ATF7IP2: variants seen among roughly 807,000 people sequenced by gnomAD.
ATF7IP2 encodes activating transcription factor 7 interacting protein 2, also known as activating transcription factor 7-interacting protein 2.
Under a neutral mutation model 64.2 loss-of-function variants are expected in ATF7IP2, and 42 were observed. The observed-to-expected ratio is 0.65, with a 90% CI of 0.51 to 0.85. The LOEUF (loss-of-function observed/expected upper bound fraction) is 0.85. Ranked by LOEUF, ATF7IP2 falls within the 40% of genes least tolerant of loss-of-function variation. ATF7IP2 has a pLI of 0.00. For missense variants in ATF7IP2, 933 were observed against 784.2 expected (o/e 1.19, Z -2.27); for synonymous variants, 308 against 272.8 (o/e 1.13, Z -1.27).
intron 9 of ATF7IP2, among the ~76,000 whole-genome samples, chr16:10,468,953 T>G (rs1341025520): frequency 1.3e-5 from 2 of 152,184 alleles, no homozygotes; most frequent in African/African-American, 2.4e-5. Context: ...CTGCAAAGAA[T>G]CTATACACAG....
At chr16:10,428,468 C>T (rs1002927717) in intron 3 of ATF7IP2, among the ~76,000 whole-genome samples, 3 of 152,114 alleles carry the variant, frequency 2.0e-5, no homozygotes, top group Non-Finnish European at 2.9e-5. Flanking sequence ...ATTTAAGACC[C>T]CTGTCTCTCT....
chr16:10,476,398 A>T (rs998507079), intron 12 of ATF7IP2, among the ~76,000 whole-genome samples: 2 of 152,182 alleles, frequency 1.3e-5, no homozygotes, highest in Admixed American at 6.6e-5. Context: ...TTTACTGCTT[A>T]ATTCTGGGAT....
At chr16:10,478,320 A>T (rs2050086491) in intron 12 of ATF7IP2, among the ~76,000 whole-genome samples, 1 of 151,832 alleles carries the variant, frequency 6.6e-6, no homozygotes, top group Non-Finnish European at 1.5e-5. Context: ...AGATCAATGG[A>T]ACAGAACAGA....
rs547311007 is a variant in ATF7IP2 at position 10,395,159 on chromosome 16, TA to T, written c.-242+9048del. On this transcript the variant is annotated intron_variant, in intron 1 of 13. Transcript: ENST00000562102. ...ACATTACTTCTGACCTTCCAGTAGT[TA>T]AAAAAAAAAATTATAAGGGAATACT... 1.4e-3 allele frequency among the ~76,000 whole-genome samples: 203 copies of T among 147,774 alleles called. 1 individual carries two copies. In the South Asian group the frequency reaches 0.014, roughly 10 times the overall value.
intron 1 of ATF7IP2, among the ~76,000 whole-genome samples, chr16:10,405,806 G>A (rs759791330): frequency 3.4e-4 from 52 of 152,282 alleles, no homozygotes; most frequent in Middle Eastern, 6.8e-3. Context: ...ATAAACCTGT[G>A]TTGCTGTTGA....
At chr16:10,411,906 T>G (rs2047768258) in intron 1 of ATF7IP2, among the ~76,000 whole-genome samples, 1 of 129,670 alleles carries the variant, frequency 7.7e-6, no homozygotes, top group Admixed American at 7.2e-5. Context: ...AGCTTATTTG[T>G]TTTTTTTTTT....
intron 9 of ATF7IP2, among the ~76,000 whole-genome samples, chr16:10,461,879 C>G (rs1286210660): frequency 6.6e-6 from 1 of 152,000 alleles, no homozygotes; most frequent in African/African-American, 2.4e-5. Context: ...ATCTTTTAAT[C>G]AGAAAAATGA....
Position 10,432,939 on chromosome 16 carries a change from A to G in ATF7IP2, c.836-586A>G, listed in dbSNP as rs1172199107. Among the ~76,000 whole-genome samples, 3 of 152,338 alleles carry G rather than the reference A, an allele frequency of 2.0e-5. No homozygotes were observed. The East Asian group carries it at 5.8e-4, about 29-fold the overall frequency. On this transcript the variant is annotated intron_variant, in intron 5 of 13. Transcript: ENST00000562102. ...TAGAACCACTTAAGTCACTATAAATAGAGAATTAAATGCCATAATTTGTTA... is the reference window on the plus strand; with the variant it reads ...TAGAACCACTTAAGTCACTATAAATGGAGAATTAAATGCCATAATTTGTTA...
chr16:10,434,271 T>C (rs1164090710), intron 6 of ATF7IP2, among the ~76,000 whole-genome samples: 1 of 152,232 alleles, frequency 6.6e-6, no homozygotes, highest in African/African-American at 2.4e-5. Flanking sequence ...GAAGTGTATG[T>C]AGCGTGTTTC....
intron 9 of ATF7IP2, among the ~76,000 whole-genome samples, chr16:10,465,884 G>A (rs2049551120): frequency 6.6e-6 from 1 of 152,028 alleles, no homozygotes; most frequent in Non-Finnish European, 1.5e-5. Context: ...AGCATTAACA[G>A]CTTTATATAC....
chr16:10,461,551 G>T (rs1009517301), intron 9 of ATF7IP2, among the ~76,000 whole-genome samples: 1 of 152,092 alleles, frequency 6.6e-6, no homozygotes, highest in African/African-American at 2.4e-5. Flanking sequence ...CAACAGTATG[G>T]ATTATTCCCA....
chr16:10,469,989 A>G (rs773168573), intron 9 of ATF7IP2, among the ~76,000 whole-genome samples: 25 of 152,084 alleles, frequency 1.6e-4, no homozygotes, highest in Non-Finnish European at 3.2e-4. Flanking sequence ...AAAAAAAGGG[A>G]GAGAATACAT....
chr16:10,390,226 C>T (rs1469212030), intron 1 of ATF7IP2, among the ~76,000 whole-genome samples: 1 of 151,936 alleles, frequency 6.6e-6, no homozygotes, highest in Non-Finnish European at 1.5e-5. Context: ...CAGGAAAAAA[C>T]CCAACTAAAT....
At chr16:10,445,980 A>G (rs2048790291) in intron 8 of ATF7IP2, 1 of 152,232 alleles carries the variant, frequency 6.6e-6, no homozygotes, top group African/African-American at 2.4e-5. Context: ...TTTAGGCTTG[A>G]TATAATGCAA....
intron 4 of ATF7IP2, among the ~76,000 whole-genome samples, 171 bp from the exon 5 acceptor site, chr16:10,430,440 T>C (rs1464161963): frequency 2.6e-5 from 4 of 152,208 alleles, no homozygotes. Flanking sequence ...AAAAGATTTT[T>C]ATGTTTTCAG....
intron 7 of ATF7IP2, among the ~76,000 whole-genome samples, chr16:10,438,728 T>G (rs966363810): frequency 2.0e-5 from 3 of 152,182 alleles, no homozygotes; most frequent in Non-Finnish European, 4.4e-5. Flanking sequence ...TCAGAACTGT[T>G]AGGCATTCTG....
rs1421981318 is a variant in ATF7IP2 at position 10,438,243 on chromosome 16, T to A, written c.1095+8T>A. 1.7e-5 allele frequency: 27 copies of A among 1,594,264 alleles called. No homozygotes were observed. The highest frequency in any genetic ancestry group is 2.3e-5 in the Non-Finnish European group (27 of 1,172,688). ...ATAGCTGATAAACTTTTGGTAAGTT[T>A]TGATTTCATTTGAGTCTTTTTTAGG... On this transcript the variant is annotated splice_region_variant and intron_variant, in intron 7 of 13. Coordinates refer to ENST00000562102, the MANE Select transcript of ATF7IP2 (RefSeq NM_001393719.1).
chr16:10,465,251 G>C (rs2049522787), intron 9 of ATF7IP2, among the ~76,000 whole-genome samples: 1 of 152,154 alleles, frequency 6.6e-6, no homozygotes, highest in African/African-American at 2.4e-5. Context: ...GCAGAGGCTG[G>C]ATTTGGATCT....
rs959529663 is a variant in ATF7IP2, at chr16:10,425,301, C to A, written c.-159-3567C>A. 6.2e-4 allele frequency among the ~76,000 whole-genome samples: 94 copies of A among 150,730 alleles called. 1 individual carries two copies. The highest frequency in any genetic ancestry group is 2.0e-3 in the African/African-American group (84 of 41,024). On this transcript the variant is annotated intron_variant, in intron 3 of 13. Coordinates refer to ENST00000562102, the MANE Select transcript of ATF7IP2 (RefSeq NM_001393719.1). ...GCCAGGCTGGTCTTGAACTCCTGAC[C>A]TCAAGTGATCCACCCGCCTCAGCCT...
Sources: allele counts gnomAD v4.1 joint callset (sites outside exome capture counted in the v4.1 genomes callset), GRCh38; gene constraint gnomAD v4.1.1; transcripts MANE v1.5; gene names NCBI Gene and HGNC (gene_info 2026-07-23, HGNC 2026-07-21).